ZNF277: variants seen among roughly 807,000 people sequenced by gnomAD.
The protein encoded by ZNF277 is zinc finger protein 277, also known as nuclear receptor-interacting factor 4.
A neutral mutation model predicts 60.7 loss-of-function variants in ZNF277; 55 were observed. The observed-to-expected ratio is 0.91, with a 90% CI of 0.73 to 1.13. ZNF277 has a LOEUF of 1.13. Among genes scored for constraint, ZNF277 ranks in the 50% most tolerant of loss-of-function variants. The pLI is 0.00. For synonymous variants in ZNF277, 178 were observed against 179.3 expected (o/e 0.99, Z 0.06); for missense variants, 510 against 523.0 (o/e 0.98, Z 0.24).
intron 4 of ZNF277, among the ~76,000 whole-genome samples, chr7:112,315,991 G>A (rs1160683127): frequency 6.6e-6 from 1 of 152,056 alleles, no homozygotes; most frequent in African/African-American, 2.4e-5. Flanking sequence ...GCTCTGTATC[G>A]ACATGTGCTA....
intron 4 of ZNF277, among the ~76,000 whole-genome samples, chr7:112,298,842 A>T (rs1029604681): frequency 1.3e-5 from 2 of 152,198 alleles, no homozygotes; most frequent in African/African-American, 4.8e-5. Flanking sequence ...TGAGGTGCAG[A>T]GCTAGAGTTT....
Position 112,296,243 on chromosome 7 carries a change from T to C in ZNF277, c.397T>C (p.Tyr133His), listed in dbSNP as rs1469627830. 6.3e-7 allele frequency: 1 copy of C among 1,576,960 alleles called. No homozygotes were observed. The highest frequency in any genetic ancestry group is 8.6e-7 in the Non-Finnish European group (1 of 1,160,438). ...STAPFEEQEN[Y>H]FLLCDVLPED... ...TCTCTCAACAGAAGAACAAGAGAAT[T>C]ATTTTTTGTTATGTGACGTTTTACC... The change falls in exon 4 of 12, where the codon TAT becomes CAT. Residue 133 changes from tyrosine (Y) to histidine (H), a missense_variant. Transcript: ENST00000361822.
In ZNF277 at chr7:112,343,114, A is replaced by G. The variant is rs1793477270; in HGVS notation, c.*385A>G. ...AATCAGTAGTTTCAGTCTCCTCCCC[A>G]AGGACCTTCTTCATCCAACAAGTTG... On this transcript the variant is annotated 3_prime_UTR_variant, in exon 12 of 12. Transcript: ENST00000361822. 6.4e-6 allele frequency: 1 copy of G among 155,384 alleles called. No homozygotes were observed. The highest frequency in any genetic ancestry group is 1.4e-5 in the Non-Finnish European group (1 of 70,206). The allele number at this position is 155,384 out of a possible 1,614,324, so 9.6% of individuals were successfully genotyped here.
chr7:112,305,078 G>C (rs10269074), intron 4 of ZNF277, among the ~76,000 whole-genome samples: 8,964 of 152,088 alleles, frequency 0.059, 710 homozygotes, highest in African/African-American at 0.18. Flanking sequence ...GCTGTTTGCT[G>C]TGCTTGGAAT....
chr7:112,284,635 A>G (rs1037421130), intron 1 of ZNF277, among the ~76,000 whole-genome samples: 3 of 152,102 alleles, frequency 2.0e-5, no homozygotes, highest in Admixed American at 2.0e-4. Flanking sequence ...AGTGCTTCTA[A>G]AGGGCTTATG....
At chr7:112,334,378 G>A (rs1296435802) in intron 7 of ZNF277, among the ~76,000 whole-genome samples, 1 of 148,814 alleles carries the variant, frequency 6.7e-6, no homozygotes, top group Non-Finnish European at 1.5e-5. Context: ...AGCAGGCACA[G>A]TGTCTTAATT....
At chr7:112,272,672 TTAG>T (rs1791699351) in intron 1 of ZNF277, among the ~76,000 whole-genome samples, 1 of 152,176 alleles carries the variant, frequency 6.6e-6, no homozygotes, top group South Asian at 2.1e-4. Flanking sequence ...TTTTGTATTT[TTAG>T]TAGTGACGGG....
chr7:112,323,784 C>G, intron 5 of ZNF277, among the ~76,000 whole-genome samples: 1 of 152,156 alleles, frequency 6.6e-6, no homozygotes, highest in Non-Finnish European at 1.5e-5. Context: ...GAGGTCCATG[C>G]CCCACTGTTC....
chr7:112,327,589 T>C, intron 5 of ZNF277, 128 bp from the exon 6 acceptor site: 1 of 668,108 alleles, frequency 1.5e-6, no homozygotes, highest in Non-Finnish European at 2.6e-6. Flanking sequence ...ATAGCTGAAA[T>C]CTTTGTGTTA....
intron 1 of ZNF277, among the ~76,000 whole-genome samples, chr7:112,270,458 C>T (rs1791643009): frequency 6.6e-6 from 1 of 152,066 alleles, no homozygotes; most frequent in Non-Finnish European, 1.5e-5. Context: ...CTGAGGCTTG[C>T]TTTTAATAAT....
intron 1 of ZNF277, among the ~76,000 whole-genome samples, chr7:112,259,601 T>A (rs1791398283): frequency 6.6e-6 from 1 of 152,344 alleles, no homozygotes; most frequent in East Asian, 1.9e-4. Context: ...TTGCTTTTCG[T>A]AGTTTTGTTT....
intron 11 of ZNF277, 62 bp from the exon 12 acceptor site, chr7:112,342,499 C>G: frequency 7.5e-7 from 1 of 1,341,878 alleles, no homozygotes; most frequent in Non-Finnish European, 9.8e-7. Context: ...TGTGTACATT[C>G]AGCTACCTGG....
chr7:112,247,033 A>G (rs1357735437), intron 1 of ZNF277, among the ~76,000 whole-genome samples: 1 of 152,190 alleles, frequency 6.6e-6, no homozygotes, highest in Non-Finnish European at 1.5e-5. Context: ...TAATAATGCC[A>G]CATTGCACAC....
At chr7:112,206,962 GGAGCCGGT>G (rs1472729211) in intron 1 of ZNF277, among the ~76,000 whole-genome samples, 155 bp downstream of exon 1, 2 of 152,372 alleles carry the variant, frequency 1.3e-5, no homozygotes, top group African/African-American at 4.8e-5. Context: ...GGGATGGGTT[GGAGCCGGT>G]GGCGGCTACT....
chr7:112,218,728 TTC>T (rs1372674836), intron 1 of ZNF277, among the ~76,000 whole-genome samples: 1 of 152,248 alleles, frequency 6.6e-6, no homozygotes, highest in Admixed American at 6.5e-5. Context: ...ATGTGTCTTT[TTC>T]TCTCTGTCTT....
chr7:112,299,763 T>C (rs1792432296), intron 4 of ZNF277, among the ~76,000 whole-genome samples: 1 of 152,196 alleles, frequency 6.6e-6, no homozygotes, highest in Non-Finnish European at 1.5e-5. Flanking sequence ...AGACTTTGAA[T>C]TGAGGATCTT....
At chr7:112,210,616 C>T (rs373458750) in intron 1 of ZNF277, among the ~76,000 whole-genome samples, 2 of 151,864 alleles carry the variant, frequency 1.3e-5, no homozygotes, top group Non-Finnish European at 2.9e-5. Flanking sequence ...GGATTACAGG[C>T]GTGTGCCACC....
intron 1 of ZNF277, among the ~76,000 whole-genome samples, chr7:112,230,548 G>A (rs1822296503): frequency 6.6e-6 from 1 of 152,170 alleles, no homozygotes; most frequent in African/African-American, 2.4e-5. Context: ...AACCACTTGT[G>A]AAGTGTGAGT....
intron 1 of ZNF277, among the ~76,000 whole-genome samples, chr7:112,249,255 C>A (rs1261939685): frequency 6.6e-6 from 1 of 152,140 alleles, no homozygotes; most frequent in Non-Finnish European, 1.5e-5. Flanking sequence ...GAGGGCACTT[C>A]ATTACTGATC....
Sources: gnomAD v4.1 joint callset for allele counts (sites outside exome capture counted in the v4.1 genomes callset) on GRCh38, gnomAD v4.1.1 for gene constraint, MANE v1.5 for transcripts, NCBI Gene and HGNC (gene_info 2026-07-23, HGNC 2026-07-21) for gene names.